THAP4: variants seen among roughly 807,000 people sequenced by gnomAD.
The protein encoded by THAP4 is peroxynitrite isomerase THAP4.
THAP4 carries 18 observed loss-of-function variants against 48.1 expected under a neutral mutation model. The ratio of observed to expected loss-of-function variants is 0.37; its 90% CI spans 0.26 to 0.56. The LOEUF (loss-of-function observed/expected upper bound fraction) is 0.56. Among genes scored for constraint, THAP4 ranks in the 20% least tolerant of loss-of-function variants. The probability of loss-of-function intolerance (pLI) is 0.78; values close to 1 mark genes in which losing one functional copy is unlikely to be tolerated. For missense variants in THAP4, 656 were observed against 774.9 expected (o/e 0.85, Z 1.82); for synonymous variants, 345 against 324.9 (o/e 1.06, Z -0.66).
rs763067694 is a variant in THAP4, at chr2:241,601,840, C to G, written c.1614+56G>C. On this transcript the variant is annotated intron_variant, in intron 5 of 5. Transcript: ENST00000407315. This position sits in a 1 kb window ranked among gnomAD's most constrained non-coding sequence, Gnocchi z 4.0. The stretch of plus-strand genomic sequence containing the variant: ...CTCACGGAAGAGGAAGAGGCTGACT[C>G]CACAGACCGCTGCAAACAGAAGACA... 5.0e-6 allele frequency: 8 copies of G among 1,606,102 alleles called. No individual in the cohort carries two copies. Among genetic ancestry groups the G allele is most frequent in the Non-Finnish European group, 6.8e-6 (8 of 1,176,658 alleles).
At chr2:241,603,110 G>A (rs757389886) in intron 3 of THAP4, 31 bp from the exon 4 acceptor site, 2 of 1,573,652 alleles carry the variant, frequency 1.3e-6, no homozygotes, top group Non-Finnish European at 1.7e-6. Context: ...GAGAAGCCCA[G>A]GCACTGGCCT....
In THAP4 at chr2:241,584,666, T is replaced by C; in HGVS notation, c.1674A>G (p.Ala558=). Residue 558 remains alanine, a synonymous_variant, in exon 6 of 6, where the codon GCA becomes GCG. Transcript: ENST00000407315. ...EGKLEQTVSM[A]TTTQPMTQHL... ...GCTGAGTCATTGGCTGTGTCGTGGT[T>C]GCCATGGAGACCGTCTGCTCAAGTT... 1 of 1,614,192 alleles carries C rather than the reference T, an allele frequency of 6.2e-7. No homozygotes were observed. The highest frequency in any genetic ancestry group is 8.5e-7 in the Non-Finnish European group (1 of 1,180,016).
intron 2 of THAP4, among the ~76,000 whole-genome samples, chr2:241,620,533 CGGT>C (rs1280169706): frequency 9.9e-6 from 1 of 100,720 alleles, no homozygotes; most frequent in African/African-American, 4.1e-5. Context: ...GTGAGTGAGT[CGGT>C]GACTGAGGGG....
intron 2 of THAP4, among the ~76,000 whole-genome samples, chr2:241,614,208 C>T (rs945923583): frequency 2.0e-5 from 3 of 151,338 alleles, no homozygotes; most frequent in African/African-American, 7.3e-5. Flanking sequence ...AAGACCCTCA[C>T]CTCTTTTGCT....
chr2:241,632,814 G>T, intron 2 of THAP4, 103 bp downstream of exon 2: 1 of 880,800 alleles, frequency 1.1e-6, no homozygotes, highest in Non-Finnish European at 1.7e-6. Context: ...AGCGCAGGGA[G>T]CTTGTGACAC....
intron 5 of THAP4, among the ~76,000 whole-genome samples, chr2:241,592,779 T>C: frequency 6.6e-6 from 1 of 152,200 alleles, no homozygotes; most frequent in East Asian, 1.9e-4. Flanking sequence ...TCTGACGCTA[T>C]GGCCGGCAGC....
Position 241,633,149 on chromosome 2 carries a change from T to A in THAP4, c.1008A>T (p.Ser336=), listed in dbSNP as rs759712530. The A allele has an allele frequency of 6.2e-7, 1 of 1,610,092 alleles. No homozygotes were observed. Among genetic ancestry groups the A allele is most frequent in the Non-Finnish European group, 8.5e-7 (1 of 1,177,568 alleles). The change falls in exon 2 of 6, where the codon TCA becomes TCT. Residue 336 remains serine, a synonymous_variant. Transcript: ENST00000407315. The surrounding 1 kb of genome is among the most constrained non-coding windows in gnomAD (Gnocchi z 7.5). ...MSINEVILSA[S]GACKLIDSLH... ...GTGAGTCGATGAGCTTGCAGGCCCC[T>A]GACGCCGACAGGATGACCTCGTTGA... is the stretch of plus-strand genomic sequence containing the variant.
chr2:241,599,615 C>T (rs540286514), intron 5 of THAP4, among the ~76,000 whole-genome samples: 5 of 152,288 alleles, frequency 3.3e-5, no homozygotes, highest in Non-Finnish European at 7.3e-5. Context: ...TTTCTATATA[C>T]TAAAATACAC....
intron 5 of THAP4, among the ~76,000 whole-genome samples, chr2:241,600,783 GACA>G (rs1350333968): frequency 1.3e-5 from 2 of 151,648 alleles, no homozygotes; most frequent in Non-Finnish European, 2.9e-5. Flanking sequence ...TTTTGGAGTG[GACA>G]ACAACTTCCT....
At chr2:241,587,808 G>A (rs751162162) in intron 5 of THAP4, among the ~76,000 whole-genome samples, 8 of 151,884 alleles carry the variant, frequency 5.3e-5, no homozygotes, top group Admixed American at 6.6e-5. Flanking sequence ...CCAGCTACTC[G>A]GGAGGCTGAG....
At chr2:241,619,842 G>C (rs370011942) in intron 2 of THAP4, among the ~76,000 whole-genome samples, 1 of 94,834 alleles carries the variant, frequency 1.1e-5, no homozygotes, top group African/African-American at 3.8e-5. Context: ...GTGAGTGAGG[G>C]GTGAGTGAGG....
intron 5 of THAP4, among the ~76,000 whole-genome samples, chr2:241,596,995 CAT>C (rs1478973035): frequency 3.3e-5 from 5 of 152,340 alleles, no homozygotes; most frequent in East Asian, 3.9e-4. Flanking sequence ...AATTTATAAA[CAT>C]ATTTTTATTT....
chr2:241,605,054 TTC>T (rs2067162152), intron 3 of THAP4, among the ~76,000 whole-genome samples: 1 of 152,240 alleles, frequency 6.6e-6, no homozygotes, highest in African/African-American at 2.4e-5. Context: ...AAAATTGACT[TTC>T]TGACCTTTTC....
intron 2 of THAP4, among the ~76,000 whole-genome samples, chr2:241,622,980 G>A (rs1395616273): frequency 6.6e-6 from 1 of 152,074 alleles, no homozygotes; most frequent in East Asian, 1.9e-4. Context: ...CACTTTGGGA[G>A]GCCGAGGCGG....
intron 5 of THAP4, among the ~76,000 whole-genome samples, chr2:241,590,887 G>C (rs35117865): frequency 1.4e-5 from 2 of 138,932 alleles, no homozygotes; most frequent in Non-Finnish European, 3.2e-5. Context: ...GGCTGACGAT[G>C]ATGGGCACTA....
At chr2:241,607,736 C>G (rs1471868159) in intron 2 of THAP4, among the ~76,000 whole-genome samples, 1 of 135,006 alleles carries the variant, frequency 7.4e-6, no homozygotes. Flanking sequence ...GACTGACCCC[C>G]AGTGTCTCCT....
intron 3 of THAP4, 106 bp downstream of exon 3, chr2:241,606,208 T>A: frequency 8.9e-7 from 1 of 1,120,646 alleles, no homozygotes; most frequent in Non-Finnish European, 1.2e-6. Context: ...ACAAGTTCCT[T>A]TTACACCTTC....
intron 2 of THAP4, among the ~76,000 whole-genome samples, chr2:241,623,472 T>C (rs1015383593): frequency 1.1e-4 from 16 of 151,720 alleles, no homozygotes; most frequent in Non-Finnish European, 1.8e-4. Flanking sequence ...CCCACCTACT[T>C]AGGAGGCTAA....
At chr2:241,605,862 C>T (rs1205540434) in intron 3 of THAP4, among the ~76,000 whole-genome samples, 3 of 152,128 alleles carry the variant, frequency 2.0e-5, no homozygotes, top group Non-Finnish European at 4.4e-5. Flanking sequence ...GGACTACAGG[C>T]ATGTGTCACC....
Sources: gnomAD v4.1 joint callset for allele counts (sites outside exome capture counted in the v4.1 genomes callset) on GRCh38, gnomAD v4.1.1 for gene constraint, Gnocchi (gnomAD v3.1) non-coding constraint, MANE v1.5 for transcripts, NCBI Gene and HGNC (gene_info 2026-07-23, HGNC 2026-07-21) for gene names.